ARHGAP26: variants seen among roughly 807,000 people sequenced by gnomAD.
The protein encoded by ARHGAP26 is Rho GTPase activating protein 26.
A neutral mutation model predicts 104.8 loss-of-function variants in ARHGAP26; 38 were observed. The observed-to-expected ratio is 0.36, with a 90% CI of 0.28 to 0.48. The LOEUF is 0.48. Among genes scored for constraint, ARHGAP26 ranks in the 20% least tolerant of loss-of-function variants. ARHGAP26 has a pLI of 0.99. For synonymous variants in ARHGAP26, 341 were observed against 340.0 expected, an observed-to-expected ratio of 1.00 and a Z score of -0.03; for missense variants, 704 against 947.9, an observed-to-expected ratio of 0.74 and a Z score of 3.38.
At chr5:142,782,858 C>T (rs1409361867) in intron 1 of ARHGAP26, among the ~76,000 whole-genome samples, 3 of 152,134 alleles carry the variant, frequency 2.0e-5, no homozygotes, top group Non-Finnish European at 4.4e-5. Context: ...TGGAATCTGC[C>T]TTTAGAGTGT....
chr5:142,837,482 G>A (rs909974881), intron 1 of ARHGAP26, among the ~76,000 whole-genome samples: 1 of 151,930 alleles, frequency 6.6e-6, no homozygotes, highest in East Asian at 1.9e-4. Context: ...TTACTCTCAC[G>A]TCTCACTTGA....
At chr5:142,867,111 C>T (rs1754421991) in intron 1 of ARHGAP26, among the ~76,000 whole-genome samples, 1 of 152,172 alleles carries the variant, frequency 6.6e-6, no homozygotes, top group Non-Finnish European at 1.5e-5. Flanking sequence ...TCAGCACTGC[C>T]TTTAAGGCTG....
At chr5:142,795,803 C>T (rs1254854619) in intron 1 of ARHGAP26, among the ~76,000 whole-genome samples, 1 of 152,146 alleles carries the variant, frequency 6.6e-6, no homozygotes, top group African/African-American at 2.4e-5. Context: ...TGAATTTATC[C>T]CCAGAATCTC....
At chr5:142,883,723 A>G (rs1757319312) in intron 4 of ARHGAP26, among the ~76,000 whole-genome samples, 1 of 152,204 alleles carries the variant, frequency 6.6e-6, no homozygotes, top group African/African-American at 2.4e-5. Flanking sequence ...CTCAGCTCAC[A>G]TCTCCCTTCC....
At chr5:142,910,852 A>G (rs894386761) in intron 9 of ARHGAP26, among the ~76,000 whole-genome samples, 1 of 152,218 alleles carries the variant, frequency 6.6e-6, no homozygotes, top group African/African-American at 2.4e-5. Context: ...GTTTTCTACT[A>G]TGCTTGGCCT....
chr5:142,980,510 T>G (rs943962772), intron 11 of ARHGAP26, among the ~76,000 whole-genome samples: 2 of 152,034 alleles, frequency 1.3e-5, no homozygotes, highest in African/African-American at 4.8e-5. Context: ...TACCTCAGCC[T>G]CCTGAGTGGC....
intron 11 of ARHGAP26, among the ~76,000 whole-genome samples, chr5:142,933,519 C>T (rs552579830): frequency 7.9e-5 from 12 of 152,302 alleles, no homozygotes; most frequent in African/African-American, 2.9e-4. Context: ...AAGTGTATTT[C>T]TCTCTTAGAG....
chr5:142,939,908 G>A (rs1765988030), intron 11 of ARHGAP26, among the ~76,000 whole-genome samples: 1 of 152,228 alleles, frequency 6.6e-6, no homozygotes, highest in South Asian at 2.1e-4. Flanking sequence ...GAGGAAGATG[G>A]ATATTGGGAT....
chr5:143,080,822 C>T (rs1283537055), intron 17 of ARHGAP26, among the ~76,000 whole-genome samples: 4 of 152,124 alleles, frequency 2.6e-5, no homozygotes, highest in Non-Finnish European at 5.9e-5. Context: ...CACCCAGTTG[C>T]TCTATGGCAA....
At chr5:142,788,388 C>A (rs967581441) in intron 1 of ARHGAP26, among the ~76,000 whole-genome samples, 1 of 152,060 alleles carries the variant, frequency 6.6e-6, no homozygotes, top group East Asian at 1.9e-4. Context: ...TTTAGCAGAA[C>A]CTTGGGGACA....
intron 12 of ARHGAP26, 85 bp from the exon 13 acceptor site, chr5:143,037,111 T>A (rs536680264): frequency 4.9e-4 from 487 of 992,286 alleles, no homozygotes; most frequent in Non-Finnish European, 5.0e-4. Flanking sequence ...CAGCATGCGA[T>A]TGATTCATCC....
At chr5:143,144,759 G>T (rs1346304106) in intron 19 of ARHGAP26, among the ~76,000 whole-genome samples, 1 of 152,136 alleles carries the variant, frequency 6.6e-6, no homozygotes, top group East Asian at 1.9e-4. Flanking sequence ...ATTTGTCTTG[G>T]TATAGTTTGC....
chr5:143,103,498 T>C (rs1187562640), intron 17 of ARHGAP26: 1 of 152,276 alleles, frequency 6.6e-6, no homozygotes, highest in Non-Finnish European at 1.5e-5. Flanking sequence ...TGCACACGTA[T>C]GTTTATTGCA....
At chr5:142,815,883 C>T in intron 1 of ARHGAP26, among the ~76,000 whole-genome samples, 1 of 152,168 alleles carries the variant, frequency 6.6e-6, no homozygotes, top group Non-Finnish European at 1.5e-5. Flanking sequence ...CAGCCTCAAC[C>T]TCCTGGGCTC....
intron 1 of ARHGAP26, among the ~76,000 whole-genome samples, chr5:142,857,095 AG>A (rs1428737360): frequency 2.6e-5 from 4 of 152,114 alleles, no homozygotes; most frequent in Admixed American, 2.6e-4. Flanking sequence ...CCATCTTCAC[AG>A]GGCCTTCTTC....
intron 14 of ARHGAP26, among the ~76,000 whole-genome samples, chr5:143,053,743 T>C (rs1354009633): frequency 6.6e-6 from 1 of 152,210 alleles, no homozygotes; most frequent in Non-Finnish European, 1.5e-5. Flanking sequence ...ACAAAAGTAA[T>C]GGAATAAAAT....
chr5:143,113,014 A>G (rs955732362), intron 17 of ARHGAP26, among the ~76,000 whole-genome samples: 4 of 152,176 alleles, frequency 2.6e-5, no homozygotes, highest in African/African-American at 9.7e-5. Flanking sequence ...TTCTGAGTCT[A>G]ATTTTTTGAG....
At chr5:143,145,697 C>G (rs1221764324) in intron 19 of ARHGAP26, among the ~76,000 whole-genome samples, 3 of 152,138 alleles carry the variant, frequency 2.0e-5, no homozygotes, top group Non-Finnish European at 2.9e-5. Flanking sequence ...AAAATATGAA[C>G]AGTTTTAAAT....
intron 17 of ARHGAP26, among the ~76,000 whole-genome samples, chr5:143,091,459 C>A (rs1181619711): frequency 6.6e-6 from 1 of 152,164 alleles, no homozygotes; most frequent in African/African-American, 2.4e-5. Flanking sequence ...CAGCAGTGGA[C>A]TTTATAGTCC....
Sources: gnomAD v4.1 joint callset for allele counts (sites outside exome capture counted in the v4.1 genomes callset) on GRCh38, gnomAD v4.1.1 for gene constraint, MANE v1.5 for transcripts, NCBI Gene and HGNC (gene_info 2026-07-23, HGNC 2026-07-21) for gene names.